CSMD1: variants seen among roughly 807,000 people sequenced by gnomAD.
CSMD1 encodes CUB and sushi domain-containing protein 1.
Under a neutral mutation model 417.5 loss-of-function variants are expected in CSMD1, and 213 were observed. The ratio of observed to expected loss-of-function variants is 0.51; its 90% confidence interval spans 0.46 to 0.57. The LOEUF (loss-of-function observed/expected upper bound fraction) is 0.57. Among genes scored for constraint, CSMD1 ranks in the 20% least tolerant of loss-of-function variants. CSMD1 has a pLI of 0.00. For missense variants in CSMD1, 6,923 were observed against 4,529.7 expected (o/e 1.53, Z -15.17); for synonymous variants, 2,862 against 1,736.8 (o/e 1.65, Z -16.11).
chr8:3,299,795 G>A (rs1367284186), intron 25 of CSMD1, among the ~76,000 whole-genome samples: 2 of 152,158 alleles, frequency 1.3e-5, no homozygotes, highest in East Asian at 1.9e-4. Flanking sequence ...CCAATAAAAT[G>A]TTTGGAATAT....
intron 5 of CSMD1, among the ~76,000 whole-genome samples, chr8:3,977,219 T>C (rs530241230): frequency 7.9e-5 from 12 of 152,304 alleles, no homozygotes; most frequent in South Asian, 6.2e-4. Context: ...ACGTGCTCTA[T>C]TTCTGACACT....
chr8:4,382,929 A>G (rs1217529937), intron 3 of CSMD1, among the ~76,000 whole-genome samples: 1 of 152,190 alleles, frequency 6.6e-6, no homozygotes, highest in South Asian at 2.1e-4. Context: ...GAAGGTGTAC[A>G]TTCATTTTAT....
intron 2 of CSMD1, among the ~76,000 whole-genome samples, chr8:4,525,564 C>T (rs1796470651): frequency 6.6e-6 from 1 of 152,246 alleles, no homozygotes; most frequent in African/African-American, 2.4e-5. Context: ...GAAATGATTG[C>T]ACATAAGAAA....
At chr8:4,408,101 T>G (rs1004604351) in intron 3 of CSMD1, among the ~76,000 whole-genome samples, 2 of 152,152 alleles carry the variant, frequency 1.3e-5, no homozygotes, top group Non-Finnish European at 2.9e-5. Context: ...CACAAAAAGT[T>G]TATGCCTGAA....
At chr8:4,319,826 G>A (rs1337283499) in intron 3 of CSMD1, among the ~76,000 whole-genome samples, 1 of 152,134 alleles carries the variant, frequency 6.6e-6, no homozygotes, top group Admixed American at 6.5e-5. Context: ...GACCCTCGGG[G>A]TCTTCAGCTG....
chr8:3,919,420 C>T (rs2129143251), intron 5 of CSMD1, among the ~76,000 whole-genome samples: 1 of 152,058 alleles, frequency 6.6e-6, no homozygotes, highest in Non-Finnish European at 1.5e-5. Context: ...GTCTTTTTGG[C>T]ATGTTTTTTG....
chr8:3,715,925 C>G (rs1451890255), intron 6 of CSMD1, among the ~76,000 whole-genome samples: 1 of 152,184 alleles, frequency 6.6e-6, no homozygotes, highest in African/African-American at 2.4e-5. Flanking sequence ...TGCTGCAGCC[C>G]CTACTCCCTG....
At position 3,307,442 on chromosome 8, in the gene CSMD1, G is replaced by A. The variant is rs1441411352; in HGVS notation, c.3950+253C>T. On this transcript the variant is annotated intron_variant, in intron 25 of 69. Coordinates refer to ENST00000635120, the MANE Select transcript of CSMD1 (RefSeq NM_033225.6). ...TTTTTTTTCAGCTACTAAATTTGGG[G>A]GATAGTTTGTTATGCAGCAGAAGCT... 3.9e-5 allele frequency among the ~76,000 whole-genome samples: 6 copies of A among 152,060 alleles called. No homozygotes were observed. The East Asian group carries it at 9.6e-4, about 24-fold the overall frequency.
chr8:3,506,005 A>C (rs7002816), intron 10 of CSMD1, among the ~76,000 whole-genome samples: 23,319 of 152,276 alleles, frequency 0.15, 1,890 homozygotes, highest in South Asian at 0.18. Context: ...ATGTATATTT[A>C]TTCTTACATA....
At chr8:3,305,086 G>GA (rs1443060306) in intron 25 of CSMD1, among the ~76,000 whole-genome samples, 1 of 152,030 alleles carries the variant, frequency 6.6e-6, no homozygotes, top group Non-Finnish European at 1.5e-5. Flanking sequence ...TGTGATCATA[G>GA]CTTACTTCAG....
intron 5 of CSMD1, among the ~76,000 whole-genome samples, chr8:3,770,480 G>C (rs547935370): frequency 1.3e-5 from 2 of 152,208 alleles, no homozygotes; most frequent in African/African-American, 2.4e-5. Context: ...AGTGAGCCAA[G>C]ATCACACCAC....
chr8:3,137,954 G>C (rs749846106), intron 41 of CSMD1, among the ~76,000 whole-genome samples: 6 of 152,248 alleles, frequency 3.9e-5, no homozygotes, highest in Non-Finnish European at 7.3e-5. Flanking sequence ...GCTGGGCGCA[G>C]TGGCTCATGC....
intron 12 of CSMD1, among the ~76,000 whole-genome samples, chr8:3,430,925 G>C (rs765669637): frequency 3.9e-5 from 6 of 152,136 alleles, no homozygotes; most frequent in African/African-American, 7.2e-5. Flanking sequence ...TCTAAGCATT[G>C]AATAGTTGCA....
intron 5 of CSMD1, among the ~76,000 whole-genome samples, chr8:3,956,494 G>A (rs183987087): frequency 6.6e-6 from 1 of 152,278 alleles, no homozygotes; most frequent in Admixed American, 6.5e-5. Context: ...TAAAGAGATT[G>A]TAGGAAAAAT....
At chr8:3,984,988 C>T (rs185003601) in intron 5 of CSMD1, among the ~76,000 whole-genome samples, 31 of 151,986 alleles carry the variant, frequency 2.0e-4, no homozygotes, top group East Asian at 3.9e-4. Context: ...TGGATTATTC[C>T]GATACTGGGA....
chr8:2,945,179 T>C (rs1045340062), intron 68 of CSMD1, among the ~76,000 whole-genome samples: 6 of 152,228 alleles, frequency 3.9e-5, no homozygotes, highest in Admixed American at 3.9e-4. Flanking sequence ...TACAAGGTAG[T>C]TCCTCTTTAT....
At chr8:3,980,254 G>C (rs962777132) in intron 5 of CSMD1, among the ~76,000 whole-genome samples, 4 of 151,132 alleles carry the variant, frequency 2.6e-5, no homozygotes, top group African/African-American at 9.9e-5. Context: ...TTAACTATTA[G>C]GGGAAAAGCT....
chr8:4,147,362 C>T (rs545176001), intron 3 of CSMD1, among the ~76,000 whole-genome samples: 3 of 152,200 alleles, frequency 2.0e-5, no homozygotes, highest in South Asian at 2.1e-4. Context: ...TTCCCTCAGT[C>T]CTCAGTGGCT....
At chr8:4,452,534 TAAA>T (rs1051737433) in intron 2 of CSMD1, among the ~76,000 whole-genome samples, 6 of 152,204 alleles carry the variant, frequency 3.9e-5, no homozygotes, top group Non-Finnish European at 8.8e-5. Flanking sequence ...TCAACAATTA[TAAA>T]AATAATTCAC....
Sources: allele counts gnomAD v4.1 joint callset (sites outside exome capture counted in the v4.1 genomes callset), GRCh38; gene constraint gnomAD v4.1.1; transcripts MANE v1.5; gene names NCBI Gene and HGNC (gene_info 2026-07-23, HGNC 2026-07-21).